Variants in CNBD1 observed in about 807,000 individuals in gnomAD.
CNBD1 encodes the protein cyclic nucleotide binding domain containing 1.
CNBD1 carries 71 observed loss-of-function variants against 54.4 expected under a neutral mutation model. The observed-to-expected ratio is 1.30, with a 90% CI of 1.08 to 1.59. CNBD1 has a LOEUF of 1.59. Ranked by LOEUF, CNBD1 falls within the 40% of genes most tolerant of loss-of-function variation. The probability of loss-of-function intolerance (pLI) is 0.00; values close to 1 mark genes in which losing one functional copy is unlikely to be tolerated. For missense variants in CNBD1, 659 were observed against 518.0 expected (o/e 1.27, Z -2.64); for synonymous variants, 182 against 170.7 (o/e 1.07, Z -0.51).
intron 2 of CNBD1, among the ~76,000 whole-genome samples, chr8:87,426,155 C>T (rs188471259): frequency 6.6e-6 from 1 of 152,338 alleles, no homozygotes; most frequent in African/African-American, 2.4e-5. Flanking sequence ...CTGAGTGAGG[C>T]AATGCCTCGC....
At chr8:87,403,403 A>T (rs1807600740) in intron 2 of CNBD1, among the ~76,000 whole-genome samples, 1 of 151,936 alleles carries the variant, frequency 6.6e-6, no homozygotes, top group Admixed American at 6.6e-5. Context: ...GAGAAGAGTT[A>T]CCTCCACTTA....
chr8:87,094,173 C>T (rs184268460), intron 4 of CNBD1, among the ~76,000 whole-genome samples: 2 of 152,134 alleles, frequency 1.3e-5, no homozygotes, highest in African/African-American at 4.8e-5. Context: ...AGCAAACAGA[C>T]TAAAGGCTTA....
intron 5 of CNBD1, among the ~76,000 whole-genome samples, chr8:87,215,099 G>T (rs1488185219): frequency 6.6e-6 from 1 of 152,112 alleles, no homozygotes; most frequent in Non-Finnish European, 1.5e-5. Context: ...AATGAGTGAA[G>T]AAACTTTTAA....
chr8:87,005,138 C>T (rs909377611), intron 4 of CNBD1, among the ~76,000 whole-genome samples: 1 of 151,324 alleles, frequency 6.6e-6, no homozygotes, highest in Non-Finnish European at 1.5e-5. Flanking sequence ...AATCCCAGCA[C>T]TTTGGGAGGC....
At chr8:87,144,288 T>A (rs974863858) in intron 4 of CNBD1, among the ~76,000 whole-genome samples, 4 of 152,162 alleles carry the variant, frequency 2.6e-5, no homozygotes, top group African/African-American at 9.7e-5. Context: ...TCTCACAGAT[T>A]ATATTTTAAA....
At chr8:87,385,390 G>A (rs374077176), downstream of CNBD1, among the ~76,000 whole-genome samples, 3 of 152,066 alleles carry the variant, frequency 2.0e-5, no homozygotes, top group East Asian at 1.9e-4. Context: ...GTGACAGATG[G>A]CACCTGGAAA....
In CNBD1 at chr8:87,389,461, A is replaced by T. The variant is rs567963806; in HGVS notation, c.213+35675A>T. ...AAGCATTCTTATACACCAATAACAG[A>T]CAAACAGAGAGCCAAATCATGAGTG... On this transcript the variant is annotated intron_variant, in intron 2 of 7. Transcript: ENST00000521593. 3.8e-3 allele frequency among the ~76,000 whole-genome samples: 579 copies of T among 152,298 alleles called. 8 individuals carry two copies. Among genetic ancestry groups the T allele is most frequent in the African/African-American group, 0.013 (550 of 41,556 alleles).
chr8:87,341,528 C>T (rs183218644), intron 8 of CNBD1, among the ~76,000 whole-genome samples: 2 of 152,220 alleles, frequency 1.3e-5, no homozygotes, highest in Admixed American at 1.3e-4. Context: ...GAATCTTTGC[C>T]ATCTACAAAA....
chr8:87,410,967 T>C (rs943120100), intron 2 of CNBD1, among the ~76,000 whole-genome samples: 2 of 152,108 alleles, frequency 1.3e-5, no homozygotes, highest in African/African-American at 4.8e-5. Flanking sequence ...TTGGTGTATG[T>C]ACATTTTTTA....
At chr8:87,243,412 C>T (rs1358233351) in intron 6 of CNBD1, among the ~76,000 whole-genome samples, 2 of 152,158 alleles carry the variant, frequency 1.3e-5, no homozygotes, top group African/African-American at 4.8e-5. Flanking sequence ...TTGATAAGGA[C>T]AAGGAATTTA....
chr8:87,299,168 TTTTA>T (rs1563542526), intron 8 of CNBD1, among the ~76,000 whole-genome samples: 1 of 152,090 alleles, frequency 6.6e-6, no homozygotes, highest in Non-Finnish European at 1.5e-5. Flanking sequence ...AAAATCTGGG[TTTTA>T]TTTATTCATT....
intron 10 of CNBD1, among the ~76,000 whole-genome samples, chr8:87,376,368 A>G (rs1171527190): frequency 1.3e-5 from 2 of 151,918 alleles, no homozygotes; most frequent in East Asian, 2.0e-4. Flanking sequence ...ACTAATTCCT[A>G]AGGGCTCGGC....
chr8:87,407,501 G>T (rs572188976), intron 2 of CNBD1, among the ~76,000 whole-genome samples: 3 of 151,936 alleles, frequency 2.0e-5, no homozygotes, highest in African/African-American at 7.2e-5. Flanking sequence ...TATTTCAAGT[G>T]GGCCTGTATC....
intron 4 of CNBD1, among the ~76,000 whole-genome samples, chr8:86,978,866 A>T (rs1193479664): frequency 6.6e-6 from 1 of 152,082 alleles, no homozygotes; most frequent in Non-Finnish European, 1.5e-5. Flanking sequence ...ACTGATTATA[A>T]CACTCAATGT....
Position 86,866,483 on chromosome 8 carries a change from T to G in CNBD1, c.-13T>G, listed in dbSNP as rs746405285. 131 of 1,603,732 alleles carry G rather than the reference T, an allele frequency of 8.2e-5. No individual in the cohort carries two copies. Among genetic ancestry groups the G allele is most frequent in the Non-Finnish European group, 3.3e-5 (39 of 1,173,994 alleles). ...GCAGCCTCTGGTCATCTATCTGCCTTTGAGCCATCAAGATGCCGATGTCTT... is the reference window on the plus strand; with the variant it reads ...GCAGCCTCTGGTCATCTATCTGCCTGTGAGCCATCAAGATGCCGATGTCTT... On this transcript the variant is annotated 5_prime_UTR_variant, in exon 1 of 11. Coordinates refer to ENST00000518476, the MANE Select transcript of CNBD1 (RefSeq NM_173538.3).
intron 4 of CNBD1, among the ~76,000 whole-genome samples, chr8:87,000,138 A>G (rs753314867): frequency 6.6e-6 from 1 of 152,090 alleles, no homozygotes. Context: ...TAATCCTAAT[A>G]ATCACCATAT....
At chr8:87,206,390 C>A (rs1366369091) in intron 5 of CNBD1, among the ~76,000 whole-genome samples, 1 of 152,098 alleles carries the variant, frequency 6.6e-6, no homozygotes, top group Non-Finnish European at 1.5e-5. Flanking sequence ...ACCCAGTGAT[C>A]ACATTGAGAC....
At chr8:87,371,325 G>A (rs1247318953) in intron 10 of CNBD1, among the ~76,000 whole-genome samples, 3 of 151,924 alleles carry the variant, frequency 2.0e-5, no homozygotes, top group East Asian at 1.9e-4. Context: ...GGGCAGTATG[G>A]CCATTTTCAT....
At chr8:87,366,465 G>A (rs934734619) in intron 10 of CNBD1, among the ~76,000 whole-genome samples, 22 of 152,100 alleles carry the variant, frequency 1.4e-4, no homozygotes, top group Middle Eastern at 3.4e-3. Flanking sequence ...CTCTCGTTTT[G>A]AATCTTTCTC....
Sources: gnomAD v4.1 joint callset for allele counts (sites outside exome capture counted in the v4.1 genomes callset) on GRCh38, gnomAD v4.1.1 for gene constraint, MANE v1.5 for transcripts, NCBI Gene and HGNC (gene_info 2026-07-23, HGNC 2026-07-21) for gene names.